The following SH2D4B variants were observed in gnomAD, a reference collection of about 807,000 sequenced individuals.
SH2D4B encodes SH2 domain-containing protein 4B.
A neutral mutation model predicts 61.5 loss-of-function variants in SH2D4B; 45 were observed. The ratio of observed to expected loss-of-function variants is 0.73; its 90% CI spans 0.58 to 0.94. The LOEUF is 0.94. Among genes scored for constraint, SH2D4B ranks in the 40% least tolerant of loss-of-function variants. SH2D4B has a pLI of 0.00. For missense variants in SH2D4B, 572 were observed against 574.2 expected (o/e 1.00, Z 0.04); for synonymous variants, 224 against 220.4 (o/e 1.02, Z -0.14).
chr10:80,562,894 CTTTTTTTTTTTTTTTTT>C (rs34539206), intron 1 of SH2D4B, among the ~76,000 whole-genome samples: 1 of 74,696 alleles, frequency 1.3e-5, no homozygotes, highest in African/African-American at 5.1e-5. Context: ...AACATTTTTT[CTTTTTTTTTTTTTTTTT>C]TTTTTTTTGA....
rs187744087 is a variant in SH2D4B, at chr10:80,597,620, C to T, written c.644-5959C>T. 1.2e-3 allele frequency among the ~76,000 whole-genome samples: 187 copies of T among 152,122 alleles called. 4 individuals are homozygous for T. Among genetic ancestry groups the T allele is most frequent in the Admixed American group, 0.012 (186 of 15,278 alleles). ...GGTGGAGGTTGCAGTGAGCTGAGAT[C>T]GTGCCATTGCACTCCAGCCTGGGCA... On this transcript the variant is annotated intron_variant, in intron 4 of 7. Transcript: ENST00000646907.
intron 4 of SH2D4B, among the ~76,000 whole-genome samples, chr10:80,596,295 T>C (rs1374967165): frequency 6.6e-6 from 1 of 152,180 alleles, no homozygotes; most frequent in Admixed American, 6.5e-5. Flanking sequence ...TGCCAAATAC[T>C]GCTAAAAACT....
At chr10:80,622,628 G>A (rs566600601) in intron 6 of SH2D4B, among the ~76,000 whole-genome samples, 1 of 152,294 alleles carries the variant, frequency 6.6e-6, no homozygotes, top group South Asian at 2.1e-4. Context: ...TGGCCCTGGA[G>A]GGTCTCATGG....
chr10:80,540,362 A>G (rs1186350837), intron 1 of SH2D4B, among the ~76,000 whole-genome samples: 5 of 152,250 alleles, frequency 3.3e-5, no homozygotes, highest in South Asian at 2.1e-4. Context: ...CGGAGGGTCC[A>G]GGATATACAG....
At chr10:80,571,346 G>A (rs1055887308) in intron 2 of SH2D4B, 85 bp from the exon 3 acceptor site, 1 of 1,469,900 alleles carries the variant, frequency 6.8e-7, no homozygotes, top group Non-Finnish European at 9.2e-7. Flanking sequence ...AGGAAAAATT[G>A]CTCATTGTTT....
chr10:80,574,876 T>C (rs1842106775), intron 3 of SH2D4B, among the ~76,000 whole-genome samples: 1 of 151,924 alleles, frequency 6.6e-6, no homozygotes, highest in Non-Finnish European at 1.5e-5. Flanking sequence ...AATTTTTGTA[T>C]CTTTAGTAGA....
At position 80,538,160 on chromosome 10, in the gene SH2D4B, A is replaced by T; in HGVS notation, c.-172A>T. On this transcript the variant is annotated 5_prime_UTR_variant, in exon 1 of 8. Coordinates refer to ENST00000646907, the MANE Select transcript of SH2D4B (RefSeq NM_001388272.1). This position sits in a 1 kb window ranked among gnomAD's most constrained non-coding sequence, Gnocchi z 4.8. ...TTTGCTGTCCTGGGTAGAGGAGATG[A>T]GTTCGTCGCTGGCTGCAAGCTGAGG... is the stretch of plus-strand genomic sequence containing the variant. 1 of 445,542 alleles carries T rather than the reference A, an allele frequency of 2.2e-6. No individual in the cohort carries two copies. Among genetic ancestry groups the T allele is most frequent in the Non-Finnish European group, 3.7e-6 (1 of 271,412 alleles). The allele number at this position is 445,542 out of a possible 1,614,324, so 27.6% of individuals were successfully genotyped here.
At chr10:80,634,985 G>C (rs1030777416) in intron 7 of SH2D4B, among the ~76,000 whole-genome samples, 3 of 152,174 alleles carry the variant, frequency 2.0e-5, no homozygotes, top group Non-Finnish European at 4.4e-5. Flanking sequence ...TTGAACTCCA[G>C]CTTAACCACT....
At chr10:80,600,521 A>ATG (rs67885510) in intron 4 of SH2D4B, among the ~76,000 whole-genome samples, 34,461 of 127,616 alleles carry the variant, frequency 0.27, 4,213 homozygotes, top group Middle Eastern at 0.36. Flanking sequence ...GCAGAGTGGC[A>ATG]TGTGTGTGTG....
At chr10:80,643,870 T>A in intron 7 of SH2D4B, 123 bp from the exon 8 acceptor site, 1 of 510,306 alleles carries the variant, frequency 2.0e-6, no homozygotes, top group South Asian at 6.4e-5. Flanking sequence ...TTTCTAGAAA[T>A]CTGAATGAGA....
At chr10:80,630,588 G>A (rs1044744116) in intron 6 of SH2D4B, among the ~76,000 whole-genome samples, 1 of 152,206 alleles carries the variant, frequency 6.6e-6, no homozygotes, top group Non-Finnish European at 1.5e-5. Context: ...GGATTGATGT[G>A]CAGGCACTGC....
intron 1 of SH2D4B, among the ~76,000 whole-genome samples, chr10:80,543,712 A>G (rs899269991): frequency 3.9e-5 from 6 of 152,146 alleles, no homozygotes; most frequent in African/African-American, 7.2e-5. Context: ...CTTTATGTCT[A>G]GCTAAGGGAT....
intron 1 of SH2D4B, among the ~76,000 whole-genome samples, chr10:80,563,575 C>T (rs1841932892): frequency 6.6e-6 from 1 of 152,130 alleles, no homozygotes; most frequent in African/African-American, 2.4e-5. Context: ...TTTTAGAATA[C>T]ATCATTATTT....
chr10:80,571,283 GTGAGAA>G lies in SH2D4B; in HGVS notation c.348-145_348-140del, dbSNP rs1461286088. Reference sequence around the variant, plus strand: ...ATTGTGCCGATTTACACTCCCATGCGTGAGAATGCCTATTTCTCCCTGTCTTTGCCA... The same window carrying G: ...ATTGTGCCGATTTACACTCCCATGCGTGCCTATTTCTCCCTGTCTTTGCCA... On this transcript the variant is annotated intron_variant, in intron 2 of 7. Transcript: ENST00000646907. 3.6e-6 allele frequency: 3 copies of G among 824,478 alleles called. No individual in the cohort carries two copies. The East Asian group carries it at 8.2e-5, about 22-fold the overall frequency. The allele number at this position is 824,478 out of a possible 1,614,324, so 51.1% of individuals were successfully genotyped here. A position where few individuals can be genotyped will look rare whatever the true frequency, so the allele number is the denominator to read the frequency against.
intron 3 of SH2D4B, among the ~76,000 whole-genome samples, chr10:80,572,961 TATATATATATATATATATATA>T (rs1564771883): frequency 4.4e-4 from 3 of 6,860 alleles, no homozygotes; most frequent in African/African-American, 6.9e-4. Flanking sequence ...TATATATATA[TATATATATATATATATATATA>T]TATATTTTTT....
rs190732442 is a variant in SH2D4B at position 80,644,536 on chromosome 10, G to A, written c.*451G>A. ...GTTTCTTGTAAATTATTTCCTACTCGCCACTCTATAAAATCATGGCAATAA... is the reference window on the plus strand; with the variant it reads ...GTTTCTTGTAAATTATTTCCTACTCACCACTCTATAAAATCATGGCAATAA... On this transcript the variant is annotated 3_prime_UTR_variant, in exon 8 of 8. Transcript: ENST00000646907. The A allele has an allele frequency of 1.2e-4, 18 of 153,302 alleles. No homozygotes were observed. Among genetic ancestry groups the A allele is most frequent in the South Asian group, 4.1e-4 (2 of 4,844 alleles). The allele number at this position is 153,302 out of a possible 1,614,324, so 9.5% of individuals were successfully genotyped here.
intron 1 of SH2D4B, among the ~76,000 whole-genome samples, chr10:80,558,568 T>A (rs1278085731): frequency 6.6e-6 from 1 of 152,100 alleles, no homozygotes; most frequent in Non-Finnish European, 1.5e-5. Flanking sequence ...GCAACTTCCA[T>A]CTTCTGGGCT....
At chr10:80,596,960 A>G (rs961541867) in intron 4 of SH2D4B, among the ~76,000 whole-genome samples, 4 of 123,278 alleles carry the variant, frequency 3.2e-5, no homozygotes, top group Non-Finnish European at 4.8e-5. Flanking sequence ...TCTGACAGAA[A>G]ATATTTGGAA....
At chr10:80,617,370 C>T (rs921838113) in intron 6 of SH2D4B, among the ~76,000 whole-genome samples, 2 of 152,208 alleles carry the variant, frequency 1.3e-5, no homozygotes, top group East Asian at 3.9e-4. Context: ...CTGAAGAATG[C>T]CATCTGGGTT....
Sources: allele counts gnomAD v4.1 joint callset (sites outside exome capture counted in the v4.1 genomes callset), GRCh38; gene constraint gnomAD v4.1.1; non-coding constraint Gnocchi (gnomAD v3.1); transcripts MANE v1.5; gene names NCBI Gene and HGNC (gene_info 2026-07-23, HGNC 2026-07-21).